The following LAMC1 variants were observed in gnomAD, a reference collection of about 807,000 sequenced individuals.
LAMC1 encodes laminin subunit gamma-1.
In LAMC1, 38 loss-of-function variants were observed where a neutral mutation model predicts 173.6. The ratio of observed to expected loss-of-function variants is 0.22; its 90% confidence interval spans 0.17 to 0.29. The LOEUF is 0.29. LAMC1 is among the 10% of genes least tolerant of loss of function. LAMC1 has a pLI of 1.00. For missense variants in LAMC1, 1,824 were observed against 2,051.8 expected, an observed-to-expected ratio of 0.89 and a Z score of 2.14; for synonymous variants, 746 against 749.1, an observed-to-expected ratio of 1.00 and a Z score of 0.07.
At chr1:183,113,724 C>G (rs1656233816) in intron 4 of LAMC1, among the ~76,000 whole-genome samples, 1 of 152,132 alleles carries the variant, frequency 6.6e-6, no homozygotes, top group Admixed American at 6.5e-5. Context: ...TCTCAAGTTA[C>G]CCCAGTCTAG....
At chr1:183,047,688 G>A (rs966596614) in intron 1 of LAMC1, among the ~76,000 whole-genome samples, 1 of 152,152 alleles carries the variant, frequency 6.6e-6, no homozygotes, top group African/African-American at 2.4e-5. Context: ...TACTGTCCCC[G>A]TAGGGGTATT....
rs1657222575 is a variant in LAMC1, at chr1:183,145,118, G to A, written c.*2328G>A. 6.6e-6 allele frequency: 1 copy of A among 152,206 alleles called. No individual in the cohort carries two copies. The highest frequency in any genetic ancestry group is 2.1e-4 in the South Asian group (1 of 4,826). The allele number at this position is 152,206 out of a possible 1,614,324, so 9.4% of individuals were successfully genotyped here. On this transcript the variant is annotated 3_prime_UTR_variant, in exon 28 of 28. Transcript: ENST00000258341. The stretch of plus-strand genomic sequence containing the variant: ...TGACTGCCAAGCTAGTTTGGGTGAA[G>A]TTCACTCCAGCAAGTCTCAGGCCAC...
At position 183,136,550 on chromosome 1, in the gene LAMC1, C is replaced by T; in HGVS notation, c.4279C>T (p.His1427Tyr). ...ADATEAKNKA[H>Y]EAERIASAVQ... Reference sequence around the variant, plus strand: ...TGCCACAGAGGCCAAGAACAAGGCCCATGAGGCGGAGAGGATCGCGAGCGC... The same window carrying T: ...TGCCACAGAGGCCAAGAACAAGGCCTATGAGGCGGAGAGGATCGCGAGCGC... The change falls in exon 25 of 28, where the codon CAT becomes TAT. Residue 1427 changes from histidine to tyrosine, a missense_variant. Coordinates refer to ENST00000258341, the MANE Select transcript of LAMC1 (RefSeq NM_002293.4). 5 of 1,613,248 alleles carry T rather than the reference C, an allele frequency of 3.1e-6. No individual in the cohort carries two copies. Among genetic ancestry groups the T allele is most frequent in the South Asian group, 1.1e-5 (1 of 90,964 alleles).
intron 11 of LAMC1, among the ~76,000 whole-genome samples, chr1:183,119,265 GGAGGTGGAGTTAGTGAT>G (rs1656405726): frequency 6.6e-6 from 1 of 152,130 alleles, no homozygotes; most frequent in African/African-American, 2.4e-5. Context: ...AGCTGTTTGG[GGAGGTGGAGTTAGTGAT>G]GATGTGGTAT....
intron 10 of LAMC1, 134 bp downstream of exon 10, chr1:183,117,857 G>C (rs921555748): frequency 5.9e-6 from 5 of 851,318 alleles, no homozygotes; most frequent in African/African-American, 5.1e-5. Context: ...GTAAAAGGGA[G>C]CCTTCCTTTC....
chr1:183,073,746 A>G (rs541302248), intron 1 of LAMC1, among the ~76,000 whole-genome samples: 2 of 152,334 alleles, frequency 1.3e-5, no homozygotes, highest in South Asian at 4.1e-4. Context: ...ATAGTCAAAG[A>G]TGGTTAGGCA....
chr1:183,059,705 C>CAG (rs1158464940), intron 1 of LAMC1, among the ~76,000 whole-genome samples: 1 of 152,088 alleles, frequency 6.6e-6, no homozygotes, highest in Non-Finnish European at 1.5e-5. Context: ...ATAGGTAAAA[C>CAG]AGAGGGGACA....
intron 16 of LAMC1, 111 bp from the exon 17 acceptor site, chr1:183,127,115 A>ATT: frequency 6.1e-6 from 5 of 818,980 alleles, no homozygotes; most frequent in Non-Finnish European, 7.0e-6. Context: ...TTTTCAAAAA[A>ATT]ATTATGACAG....
Position 183,122,148 on chromosome 1 carries a change from C to T in LAMC1, c.2298C>T (p.Thr766=), listed in dbSNP as rs1213688546. 6.2e-7 allele frequency: 1 copy of T among 1,614,182 alleles called. No homozygotes were observed. Among genetic ancestry groups the T allele is most frequent in the East Asian group, 2.2e-5 (1 of 44,880 alleles). The change falls in exon 13 of 28, where the codon ACC becomes ACT. Residue 766 remains threonine (T), a synonymous_variant. Coordinates refer to ENST00000258341, the MANE Select transcript of LAMC1 (RefSeq NM_002293.4). ...DGYYGDSTAG[T]SSDCQPCPCP... ...ACTATGGAGATTCAACTGCAGGCAC[C>T]TCCTCCGATTGCCAACCCTGTCCGT...
Position 183,127,355 on chromosome 1 carries a change from G to T in LAMC1, c.3074G>T (p.Trp1025Leu). 1.9e-6 allele frequency: 3 copies of T among 1,614,130 alleles called. No individual in the cohort carries two copies. Among genetic ancestry groups the T allele is most frequent in the Non-Finnish European group, 2.5e-6 (3 of 1,180,020 alleles). The change falls in exon 17 of 28, where the codon TGG becomes TTG. Residue 1025 changes from tryptophan (W) to leucine (L), a missense_variant. By Grantham distance (61) the Trp-to-Leu change is moderately conservative (BLOSUM62 -2). Coordinates refer to ENST00000258341, the MANE Select transcript of LAMC1 (RefSeq NM_002293.4). ...CEENYFYNRS[W>L]PGCQECPACY... is the part of the protein sequence containing the mutation. Reference sequence around the variant, plus strand: ...GAAAACTATTTCTACAATCGGTCTTGGCCTGGCTGCCAGGAATGTCCAGCT... The same window carrying T: ...GAAAACTATTTCTACAATCGGTCTTTGCCTGGCTGCCAGGAATGTCCAGCT...
chr1:183,124,702 T>C lies in LAMC1; in HGVS notation c.2473T>C (p.Cys825Arg), dbSNP rs979298994. 1 of 1,614,120 alleles carries C rather than the reference T, an allele frequency of 6.2e-7. No homozygotes were observed. The highest frequency in any genetic ancestry group is 1.1e-5 in the South Asian group (1 of 91,094). The part of the protein sequence containing the change: ...PLGRNGPVRL[C>R]RLCQCSDNID... ...GGGTAGAAACGGCCCTGTGAGACTT[T>C]GCCGCCTGTGCCAGTGCAGTGACAA... Residue 825 changes from cysteine (C) to arginine (R), a missense_variant, in exon 14 of 28, where the codon TGC becomes CGC. Transcript: ENST00000258341.
intron 1 of LAMC1, among the ~76,000 whole-genome samples, chr1:183,057,401 C>T (rs1410140854): frequency 6.6e-6 from 1 of 152,176 alleles, no homozygotes; most frequent in Non-Finnish European, 1.5e-5. Flanking sequence ...TCTCTCGTTT[C>T]ACTAGGTTGC....
In LAMC1 at chr1:183,034,234, G is replaced by A. The variant is rs565152608; in HGVS notation, c.418+10100G>A. On this transcript the variant is annotated intron_variant, in intron 1 of 27. Transcript: ENST00000258341. ...ATAGATTTATTCGTAATGTATTTGAGATCAGACAAAAACATTGACCTGTAG... is the reference window on the plus strand; with the variant it reads ...ATAGATTTATTCGTAATGTATTTGAAATCAGACAAAAACATTGACCTGTAG... Among the ~76,000 whole-genome samples, 4 of 152,240 alleles carry A rather than the reference G, an allele frequency of 2.6e-5. No homozygotes were observed. In the East Asian group the frequency reaches 7.7e-4, roughly 29 times the overall value.
intron 1 of LAMC1, among the ~76,000 whole-genome samples, chr1:183,088,868 G>A (rs143642902): frequency 2.1e-4 from 32 of 152,324 alleles, no homozygotes; most frequent in Non-Finnish European, 4.3e-4. Flanking sequence ...GACTGGAACA[G>A]AGGTTTCAGT....
At position 183,121,673 on chromosome 1, in the gene LAMC1, G is replaced by A. The variant is rs771389716; in HGVS notation, c.1991-50G>A. On this transcript the variant is annotated intron_variant, in intron 11 of 27. Transcript: ENST00000258341. ...TTTAGTGTTACTGACTTTACACAAG[G>A]TTTGGAAAACAAGCCAGTTCAGTGA... 3 of 1,510,820 alleles carry A rather than the reference G, an allele frequency of 2.0e-6. No individual in the cohort carries two copies. In the Admixed American group the frequency reaches 5.9e-5, roughly 29 times the overall value. 93.6% of individuals were successfully genotyped at this position (1,510,820 alleles called of 1,614,324 possible). A position where few individuals can be genotyped will look rare whatever the true frequency, so the allele number is the denominator to read the frequency against.
intron 18 of LAMC1, among the ~76,000 whole-genome samples, chr1:183,129,139 G>A (rs1325035296): frequency 7.2e-6 from 1 of 139,780 alleles, no homozygotes; most frequent in African/African-American, 2.7e-5. Context: ...AGGCTGGAGT[G>A]CAGTGGCGCG....
intron 1 of LAMC1, among the ~76,000 whole-genome samples, chr1:183,068,810 C>T (rs572482222): frequency 3.3e-5 from 5 of 152,098 alleles, no homozygotes; most frequent in East Asian, 1.9e-4. Context: ...GGCATGGTGG[C>T]GGGCGCCTGT....
At position 183,122,258 on chromosome 1, in the gene LAMC1, C is replaced by G. The variant is rs755675990; in HGVS notation, c.2401+7C>G. The G allele has an allele frequency of 1.2e-6, 2 of 1,613,096 alleles. No individual in the cohort carries two copies. Among genetic ancestry groups the G allele is most frequent in the South Asian group, 2.2e-5 (2 of 90,916 alleles). ...TGTCCTACTGGCACCACTGGTAAGT[C>G]TGCTCGCTTCATCTGCTTTCAGTGT... On this transcript the variant is annotated splice_region_variant and intron_variant, in intron 13 of 27. Coordinates refer to ENST00000258341, the MANE Select transcript of LAMC1 (RefSeq NM_002293.4).
chr1:183,055,785 C>G (rs974057460), intron 1 of LAMC1, among the ~76,000 whole-genome samples: 2 of 151,492 alleles, frequency 1.3e-5, no homozygotes, highest in African/African-American at 4.9e-5. Flanking sequence ...GCACTTCAGC[C>G]TGGGCAACAG....
Sources: allele counts gnomAD v4.1 joint callset (sites outside exome capture counted in the v4.1 genomes callset), GRCh38; gene constraint gnomAD v4.1.1; transcripts MANE v1.5; gene names NCBI Gene and HGNC (gene_info 2026-07-23, HGNC 2026-07-21).